The following HTRA3 variants were observed in gnomAD, a reference collection of about 807,000 sequenced individuals.
HTRA3 encodes serine protease HTRA3.
Under a neutral mutation model 43.2 loss-of-function variants are expected in HTRA3, and 41 were observed. That is an observed-to-expected ratio of 0.95 (90% CI 0.74 to 1.23). The LOEUF is 1.23. HTRA3 is among the 50% of genes most tolerant of loss of function. The probability of loss-of-function intolerance (pLI) is 0.00; values close to 1 mark genes in which losing one functional copy is unlikely to be tolerated. For missense variants in HTRA3, 628 were observed against 647.1 expected (o/e 0.97, Z 0.32); for synonymous variants, 295 against 287.9 (o/e 1.02, Z -0.25).
At chr4:8,271,486 T>C (rs2153003244) in intron 1 of HTRA3, among the ~76,000 whole-genome samples, 1 of 152,312 alleles carries the variant, frequency 6.6e-6, no homozygotes, top group East Asian at 1.9e-4. Flanking sequence ...GGAAGCATCA[T>C]TCGAGATTAG....
intron 1 of HTRA3, among the ~76,000 whole-genome samples, chr4:8,272,292 T>C (rs1712311769): frequency 6.6e-6 from 1 of 152,138 alleles, no homozygotes; most frequent in South Asian, 2.1e-4. Flanking sequence ...ACCCTGTTGG[T>C]GCCCTCAAGC....
At chr4:8,291,311 C>A (rs960172869) in intron 3 of HTRA3, 59 bp from the exon 4 acceptor site, 3 of 1,459,490 alleles carry the variant, frequency 2.1e-6, no homozygotes, top group South Asian at 1.1e-5. Context: ...TGACTCCGGT[C>A]CCCGCTGAAG....
Position 8,281,601 on chromosome 4 carries a change from G to A in HTRA3, c.386-836G>A, listed in dbSNP as rs372173800. Among the ~76,000 whole-genome samples the A allele has an allele frequency of 1.3e-3, 199 of 152,358 alleles. 6 individuals are homozygous for A. The South Asian group carries it at 0.027, about 21-fold the overall frequency. The stretch of plus-strand genomic sequence containing the variant: ...AGCCCAGTTGCTCATTGCGGGGCTC[G>A]GGAGCCACGAGCGAGGCTGAGCAGC... On this transcript the variant is annotated intron_variant, in intron 1 of 8. Coordinates refer to ENST00000307358, the MANE Select transcript of HTRA3 (RefSeq NM_053044.5).
At chr4:8,281,929 A>C (rs1712762268) in intron 1 of HTRA3, among the ~76,000 whole-genome samples, 1 of 152,210 alleles carries the variant, frequency 6.6e-6, no homozygotes, top group African/African-American at 2.4e-5. Flanking sequence ...GTAGCTCAGA[A>C]GGGTCACCTG....
At chr4:8,287,736 A>G (rs1277460912) in intron 3 of HTRA3, among the ~76,000 whole-genome samples, 1 of 152,196 alleles carries the variant, frequency 6.6e-6, no homozygotes, top group Non-Finnish European at 1.5e-5. Flanking sequence ...ACAGAGCCAA[A>G]CCATATCAGG....
In HTRA3 at chr4:8,296,653, C is replaced by G. The variant is rs1158849634; in HGVS notation, c.1051+2452C>G. Among the ~76,000 whole-genome samples the G allele has an allele frequency of 6.6e-6, 1 of 152,182 alleles. No individual in the cohort carries two copies. Among genetic ancestry groups the G allele is most frequent in the Admixed American group, 6.5e-5 (1 of 15,282 alleles). Reference sequence around the variant, plus strand: ...CCAGGAGGGCTTGGGGTCCAGCCAGCCTTAGGACCAGAGAGTAGCCCCACA... The same window carrying G: ...CCAGGAGGGCTTGGGGTCCAGCCAGGCTTAGGACCAGAGAGTAGCCCCACA... On this transcript the variant is annotated intron_variant, in intron 6 of 8. Coordinates refer to ENST00000307358, the MANE Select transcript of HTRA3 (RefSeq NM_053044.5). This position sits in a 1 kb window ranked among gnomAD's most constrained non-coding sequence, Gnocchi z 5.3.
Position 8,306,223 on chromosome 4 carries a change from C to G in HTRA3, c.*87C>G. The G allele has an allele frequency of 1.4e-6, 2 of 1,382,238 alleles. No individual in the cohort carries two copies. The highest frequency in any genetic ancestry group is 2.9e-5 in the South Asian group (2 of 68,804). The allele number at this position is 1,382,238 out of a possible 1,614,324, so 85.6% of individuals were successfully genotyped here. On this transcript the variant is annotated 3_prime_UTR_variant, in exon 9 of 9. Coordinates refer to ENST00000307358, the MANE Select transcript of HTRA3 (RefSeq NM_053044.5). The surrounding 1 kb of genome is among the most constrained non-coding windows in gnomAD (Gnocchi z 8.9). ...CGAGATCAGGACGAAGGACCACCGT[C>G]GGTCCTCAGCAGGGCGGCAGCCTCC...
At chr4:8,292,614 G>T (rs530688784) in intron 5 of HTRA3, among the ~76,000 whole-genome samples, 17 of 152,366 alleles carry the variant, frequency 1.1e-4, no homozygotes, top group African/African-American at 3.8e-4. Context: ...TGTCAGGGGA[G>T]CTGGGGCAAG....
At chr4:8,278,496 C>A (rs1295792625) in intron 1 of HTRA3, among the ~76,000 whole-genome samples, 1 of 152,128 alleles carries the variant, frequency 6.6e-6, no homozygotes, top group Non-Finnish European at 1.5e-5. Flanking sequence ...CAAAAACCCC[C>A]AAATAAACAG....
Position 8,291,285 on chromosome 4 carries a change from C to A in HTRA3, c.709-85C>A, listed in dbSNP as rs564790731. On this transcript the variant is annotated intron_variant, in intron 3 of 8. Transcript: ENST00000307358. ...ACAGATGTGCATGCCTTCCCTGGGA[C>A]CCCCCTGCCAGGATCTGACTCCGGT... is the stretch of plus-strand genomic sequence containing the variant. The A allele has an allele frequency of 1.5e-5, 18 of 1,198,366 alleles. No homozygotes were observed. The African/African-American group carries it at 1.9e-4, about 13-fold the overall frequency. The allele number at this position is 1,198,366 out of a possible 1,614,324, so 74.2% of individuals were successfully genotyped here.
chr4:8,295,009 T>A lies in HTRA3; in HGVS notation c.1051+808T>A, dbSNP rs561059640. Among the ~76,000 whole-genome samples the A allele has an allele frequency of 6.6e-6, 1 of 151,770 alleles. No homozygotes were observed. The highest frequency in any genetic ancestry group is 2.4e-5 in the African/African-American group (1 of 41,370). ...ATCCATCCATCTACTCATCCATTCA[T>A]CCACTCATCCACCCACCTATCCACC... is the stretch of plus-strand genomic sequence containing the variant. On this transcript the variant is annotated intron_variant, in intron 6 of 8. Transcript: ENST00000307358. This position sits in a 1 kb window ranked among gnomAD's most constrained non-coding sequence, Gnocchi z 6.9.
chr4:8,301,554 T>A lies in HTRA3; in HGVS notation c.1052-909T>A, dbSNP rs1264958660. 2.0e-5 allele frequency among the ~76,000 whole-genome samples: 3 copies of A among 152,184 alleles called. No individual in the cohort carries two copies. In the East Asian group the frequency reaches 5.8e-4, roughly 29 times the overall value. ...CAACTTTATTATTGATTCAGACTTT[T>A]AATTATTTTTTTTCTTCTGGTTATT... On this transcript the variant is annotated intron_variant, in intron 6 of 8. Transcript: ENST00000307358.
At position 8,286,674 on chromosome 4, in the gene HTRA3, C is replaced by A. The variant is rs773106009; in HGVS notation, c.599C>A (p.Pro200Gln). ...AHVVSSNSAA[P>Q]GRQQLKVQLQ... ...GTGGTGTCCAGCAACAGTGCTGCCC[C>A]GGGCAGGCAGCAGCTCAAGGTGCAG... Residue 200 changes from proline to glutamine, a missense_variant, in exon 3 of 9, where the codon CCG (proline) becomes CAG (glutamine). By Grantham distance (76) the Pro-to-Gln change is moderately conservative. Transcript: ENST00000307358. The surrounding 1 kb of genome is among the most constrained non-coding windows in gnomAD (Gnocchi z 4.9). The A allele has an allele frequency of 1.7e-5, 27 of 1,613,684 alleles. No homozygotes were observed. The South Asian group carries it at 3.0e-4, about 18-fold the overall frequency.
Position 8,296,219 on chromosome 4 carries a change from G to A in HTRA3, c.1051+2018G>A, listed in dbSNP as rs149485124. The A allele has an allele frequency of 5.2e-4, 517 of 985,786 alleles. 2 individuals are homozygous for A. The African/African-American group carries it at 8.6e-3, about 16-fold the overall frequency. The allele number at this position is 985,786 out of a possible 1,614,324, so 61.1% of individuals were successfully genotyped here. A position where few individuals can be genotyped will look rare whatever the true frequency, so the allele number is the denominator to read the frequency against. On this transcript the variant is annotated intron_variant, in intron 6 of 8. Transcript: ENST00000307358. The surrounding 1 kb of genome is among the most constrained non-coding windows in gnomAD (Gnocchi z 5.3). ...TTGCCTCTCTCTTTCTCCTGAGACA[G>A]GATCCCCCTGGGGCCTAGGTTTGCT...
chr4:8,295,948 C>G lies in HTRA3; in HGVS notation c.1051+1747C>G, dbSNP rs1438132348. 7 of 1,220,094 alleles carry G rather than the reference C, an allele frequency of 5.7e-6. No homozygotes were observed. The highest frequency in any genetic ancestry group is 7.1e-6 in the Non-Finnish European group (7 of 979,762). 75.6% of individuals were successfully genotyped at this position (1,220,094 alleles called of 1,614,324 possible). A position where few individuals can be genotyped will look rare whatever the true frequency, so the allele number is the denominator to read the frequency against. The stretch of plus-strand genomic sequence containing the variant: ...TCTTCTCTTGAACAGTGGGGACCAT[C>G]TAATCTCTTGAGCCCTTTTCCTGTT... On this transcript the variant is annotated intron_variant, in intron 6 of 8. Coordinates refer to ENST00000307358, the MANE Select transcript of HTRA3 (RefSeq NM_053044.5). This position sits in a 1 kb window ranked among gnomAD's most constrained non-coding sequence, Gnocchi z 6.9.
chr4:8,274,978 T>C (rs540188996), intron 1 of HTRA3, among the ~76,000 whole-genome samples: 42 of 152,328 alleles, frequency 2.8e-4, no homozygotes, highest in Admixed American at 2.5e-3. Context: ...GGGCTGCACA[T>C]GCCTTGGAGT....
At position 8,305,953 on chromosome 4, in the gene HTRA3, C is replaced by G; in HGVS notation, c.1197-18C>G. On this transcript the variant is annotated intron_variant, in intron 8 of 8. Coordinates refer to ENST00000307358, the MANE Select transcript of HTRA3 (RefSeq NM_053044.5). ...CTGGGGAGGCGGTGGGTGGTGACCC[C>G]GTCTCTCCTGTTGGCAGAGGCGGCA... 2 of 1,610,666 alleles carry G rather than the reference C, an allele frequency of 1.2e-6. No homozygotes were observed. Among genetic ancestry groups the G allele is most frequent in the South Asian group, 1.1e-5 (1 of 90,786 alleles).
chr4:8,285,602 C>T (rs1560137206), intron 2 of HTRA3, among the ~76,000 whole-genome samples: 1 of 152,204 alleles, frequency 6.6e-6, no homozygotes, highest in Admixed American at 6.5e-5. Flanking sequence ...GCTGGGGTCC[C>T]GAAGGTTCCC....
chr4:8,292,351 C>T lies in HTRA3; in HGVS notation c.934C>T (p.Leu312=), dbSNP rs747124417. The stretch of plus-strand genomic sequence containing the variant: ...GAACTCCGGGGGACCACTGGTGAAC[C>T]TGGTAAGTGTCCCCTAGAGCCAAAA... ...YGNSGGPLVN[L]DGEVIGINTL... Residue 312 remains leucine (L), a splice_region_variant and synonymous_variant, in exon 5 of 9, where the codon CTG becomes TTG. Coordinates refer to ENST00000307358, the MANE Select transcript of HTRA3 (RefSeq NM_053044.5). 1 of 1,612,976 alleles carries T rather than the reference C, an allele frequency of 6.2e-7. No individual in the cohort carries two copies. The highest frequency in any genetic ancestry group is 8.5e-7 in the Non-Finnish European group (1 of 1,179,406).
Sources: allele counts gnomAD v4.1 joint callset (sites outside exome capture counted in the v4.1 genomes callset), GRCh38; gene constraint gnomAD v4.1.1; non-coding constraint Gnocchi (gnomAD v3.1); transcripts MANE v1.5; gene names NCBI Gene and HGNC (gene_info 2026-07-23, HGNC 2026-07-21).